The following BAZ1A variants were observed in gnomAD, a reference collection of about 807,000 sequenced individuals.
The protein encoded by BAZ1A is bromodomain adjacent to zinc finger domain 1A.
In BAZ1A, 50 loss-of-function variants were observed where a neutral mutation model predicts 185.2. The ratio of observed to expected loss-of-function variants is 0.27; its 90% CI spans 0.22 to 0.34. BAZ1A has a LOEUF of 0.34. BAZ1A is among the 10% of genes least tolerant of loss of function. The probability of loss-of-function intolerance (pLI) is 1.00; values close to 1 mark genes in which losing one functional copy is unlikely to be tolerated. For missense variants in BAZ1A, 1,356 were observed against 1,839.9 expected (o/e 0.74, Z 4.81); for synonymous variants, 571 against 615.6 (o/e 0.93, Z 1.07).
chr14:34,850,487 A>G (rs1240720263), intron 3 of BAZ1A, among the ~76,000 whole-genome samples: 1 of 152,222 alleles, frequency 6.6e-6, no homozygotes, highest in African/African-American at 2.4e-5. Context: ...AGGCTCTTGA[A>G]TAGTTTTTAT....
At chr14:34,769,194 A>G (rs1413299942) in intron 21 of BAZ1A, among the ~76,000 whole-genome samples, 1 of 152,018 alleles carries the variant, frequency 6.6e-6, no homozygotes, top group Non-Finnish European at 1.5e-5. Flanking sequence ...CCAATCACTG[A>G]TATTCTTGAT....
At chr14:34,795,548 T>C (rs976923846) in intron 10 of BAZ1A, 122 bp downstream of exon 10, 1 of 594,428 alleles carries the variant, frequency 1.7e-6, no homozygotes, top group Non-Finnish European at 2.7e-6. Context: ...CTTAACTAGC[T>C]ATTTCCTCTC....
intron 2 of BAZ1A, among the ~76,000 whole-genome samples, chr14:34,871,189 TAAAC>T (rs2042943450): frequency 6.6e-6 from 1 of 152,142 alleles, no homozygotes; most frequent in African/African-American, 2.4e-5. Context: ...ACAGCAAAAA[TAAAC>T]AAAATTGTTG....
chr14:34,753,805 GC>G, intron 26 of BAZ1A, 101 bp from the exon 27 acceptor site: 1 of 1,063,362 alleles, frequency 9.4e-7, no homozygotes, highest in East Asian at 2.8e-5. Context: ...GAAAATGGAA[GC>G]CCACTTTTTT....
intron 4 of BAZ1A, among the ~76,000 whole-genome samples, chr14:34,815,672 T>C (rs1460373398): frequency 6.6e-6 from 1 of 152,234 alleles, no homozygotes; most frequent in African/African-American, 2.4e-5. Context: ...GGGAGTTGTT[T>C]TTCCTAATAT....
At chr14:34,856,684 C>G (rs1361398184) in intron 3 of BAZ1A, among the ~76,000 whole-genome samples, 1 of 151,556 alleles carries the variant, frequency 6.6e-6, no homozygotes, top group African/African-American at 2.4e-5. Flanking sequence ...ATAGTGAAAC[C>G]CCATCTCTAC....
intron 11 of BAZ1A, 101 bp downstream of exon 11, chr14:34,794,648 A>G: frequency 1.6e-6 from 2 of 1,223,808 alleles, no homozygotes; most frequent in East Asian, 2.4e-5. Flanking sequence ...AGAGATCCCA[A>G]CTCCAGTGCC....
intron 3 of BAZ1A, among the ~76,000 whole-genome samples, chr14:34,839,560 T>C (rs903824331): frequency 9.4e-6 from 1 of 106,320 alleles, no homozygotes; most frequent in Non-Finnish European, 2.0e-5. Context: ...AAAAAAAAAG[T>C]AGGCCAGGCG....
Position 34,761,895 on chromosome 14 carries a change from C to T in BAZ1A, c.4105G>A (p.Glu1369Lys), listed in dbSNP as rs985364088. The T allele has an allele frequency of 1.2e-6, 2 of 1,614,046 alleles. No individual in the cohort carries two copies. Among genetic ancestry groups the T allele is most frequent in the Admixed American group, 1.7e-5 (1 of 59,990 alleles). ...AAGTTAGGGAAGTTGGGACTATTTTCTGGTGTATTATTAGCACTTTTCCTG... is the reference window on the plus strand; with the variant it reads ...AAGTTAGGGAAGTTGGGACTATTTTTTGGTGTATTATTAGCACTTTTCCTG... ...RGRKSANNTPENSPNFPNFRV... is the reference protein window; with the variant it reads ...RGRKSANNTPKNSPNFPNFRV... The change falls in exon 24 of 27, where the codon GAA becomes AAA. Residue 1369 changes from glutamate to lysine, a missense_variant. Glu to Lys is a moderately conservative substitution (Grantham distance 56). Transcript: ENST00000360310.
At chr14:34,860,358 A>C (rs570089193) in intron 3 of BAZ1A, among the ~76,000 whole-genome samples, 1 of 152,040 alleles carries the variant, frequency 6.6e-6, no homozygotes, top group African/African-American at 2.4e-5. Flanking sequence ...AAATACAAAA[A>C]TGAGTTGGAC....
At chr14:34,840,274 C>G (rs1033749936) in intron 3 of BAZ1A, among the ~76,000 whole-genome samples, 1 of 152,126 alleles carries the variant, frequency 6.6e-6, no homozygotes, top group South Asian at 2.1e-4. Flanking sequence ...GTCTCCATCT[C>G]AACCGTAAGC....
chr14:34,791,631 T>C (rs773334371), intron 12 of BAZ1A, among the ~76,000 whole-genome samples: 2 of 152,180 alleles, frequency 1.3e-5, no homozygotes, highest in Non-Finnish European at 1.5e-5. Context: ...AACAAAACTA[T>C]CTGACTGGAG....
chr14:34,814,994 C>T (rs933276960), intron 4 of BAZ1A, among the ~76,000 whole-genome samples: 10 of 150,842 alleles, frequency 6.6e-5, no homozygotes, highest in Admixed American at 5.9e-4. Flanking sequence ...AGGCTGGTCT[C>T]GAACTCCTGA....
At chr14:34,831,414 G>A (rs1164522250) in intron 3 of BAZ1A, among the ~76,000 whole-genome samples, 1 of 152,058 alleles carries the variant, frequency 6.6e-6, no homozygotes, top group Non-Finnish European at 1.5e-5. Context: ...TGGTGCTGTC[G>A]GCAGCCATAT....
At chr14:34,755,241 C>A (rs146217848) in intron 25 of BAZ1A, among the ~76,000 whole-genome samples, 3 of 152,088 alleles carry the variant, frequency 2.0e-5, no homozygotes, top group Non-Finnish European at 1.5e-5. Flanking sequence ...ACAAAAATTA[C>A]CCAGGCAAAA....
chr14:34,863,987 C>T (rs2042813491), intron 2 of BAZ1A, among the ~76,000 whole-genome samples: 2 of 151,832 alleles, frequency 1.3e-5, no homozygotes, highest in African/African-American at 4.8e-5. Context: ...GGACACTCAC[C>T]TAATTTTTTT....
At position 34,761,243 on chromosome 14, in the gene BAZ1A, C is replaced by T. The variant is rs369793591; in HGVS notation, c.4243+514G>A. Among the ~76,000 whole-genome samples the T allele has an allele frequency of 6.6e-5, 10 of 152,316 alleles. 1 individual carries two copies. The highest frequency in any genetic ancestry group is 4.1e-4 in the South Asian group (2 of 4,830). ...AGTGAGCCAAGATTGCACCACTGCA[C>T]TCCAGCCTGGCGACAGAGCTAGACT... is the stretch of plus-strand genomic sequence containing the variant. On this transcript the variant is annotated intron_variant, in intron 24 of 26. Coordinates refer to ENST00000360310, the MANE Select transcript of BAZ1A (RefSeq NM_013448.3).
At chr14:34,839,714 G>T (rs1450546018) in intron 3 of BAZ1A, among the ~76,000 whole-genome samples, 1 of 150,868 alleles carries the variant, frequency 6.6e-6, no homozygotes, top group Non-Finnish European at 1.5e-5. Flanking sequence ...GTGGTGGCGG[G>T]TGCCTGTAGT....
chr14:34,840,568 G>A (rs559348495), intron 3 of BAZ1A, among the ~76,000 whole-genome samples: 1 of 152,232 alleles, frequency 6.6e-6, no homozygotes, highest in African/African-American at 2.4e-5. Context: ...AGACTAGCCT[G>A]ACCAGCGTGG....
Sources: gnomAD v4.1 joint callset for allele counts (sites outside exome capture counted in the v4.1 genomes callset) on GRCh38, gnomAD v4.1.1 for gene constraint, MANE v1.5 for transcripts, NCBI Gene and HGNC (gene_info 2026-07-23, HGNC 2026-07-21) for gene names.